Variants in SLX9 observed in about 807,000 individuals in gnomAD.
SLX9 encodes the protein ribosome biogenesis protein SLX9 homolog.
In SLX9, 19 loss-of-function variants were observed where a neutral mutation model predicts 20.8. That is an observed-to-expected ratio of 0.91 (90% CI 0.64 to 1.34). SLX9 has a LOEUF of 1.34. SLX9 is among the 40% of genes most tolerant of loss of function. SLX9 has a pLI of 0.00. For synonymous variants in SLX9, 113 were observed against 137.1 expected, an observed-to-expected ratio of 0.82 and a Z score of 1.23; for missense variants, 299 against 322.2, an observed-to-expected ratio of 0.93 and a Z score of 0.55.
intron 4 of SLX9, among the ~76,000 whole-genome samples, chr21:44,967,865 C>T (rs766297959): frequency 6.6e-6 from 1 of 152,166 alleles, no homozygotes; most frequent in Non-Finnish European, 1.5e-5. Context: ...GTTGCTCTCC[C>T]GAGCTGTACC....
At chr21:44,963,365 G>A (rs866746623) in intron 3 of SLX9, among the ~76,000 whole-genome samples, 5 of 136,920 alleles carry the variant, frequency 3.7e-5, no homozygotes, top group Admixed American at 2.4e-4. Flanking sequence ...TCGGATTACA[G>A]GCGTGAGAAC....
chr21:44,940,328 T>A, intron 1 of SLX9, 142 bp downstream of exon 1: 1 of 1,148,614 alleles, frequency 8.7e-7, no homozygotes, highest in Non-Finnish European at 1.1e-6. Flanking sequence ...GACGCGACCT[T>A]CTTGCTTCGC....
chr21:44,965,125 T>C (rs1023829022), intron 3 of SLX9, among the ~76,000 whole-genome samples: 2 of 152,250 alleles, frequency 1.3e-5, no homozygotes, highest in African/African-American at 4.8e-5. Flanking sequence ...TTTAGTTGTT[T>C]TTAAAACATA....
chr21:44,976,583 C>T (rs1301609662), intron 5 of SLX9, 97 bp from the exon 6 acceptor site: 8 of 1,503,120 alleles, frequency 5.3e-6, no homozygotes, highest in Non-Finnish European at 7.2e-6. Context: ...GGCCCCAGGC[C>T]TCTGCCATTC....
intron 4 of SLX9, among the ~76,000 whole-genome samples, chr21:44,967,796 T>C (rs2085065771): frequency 6.6e-6 from 1 of 152,194 alleles, no homozygotes; most frequent in African/African-American, 2.4e-5. Context: ...CTTGTCCTCA[T>C]GGGGCGGGAG....
intron 2 of SLX9, among the ~76,000 whole-genome samples, chr21:44,945,825 C>T (rs1384873601): frequency 2.0e-5 from 3 of 152,260 alleles, no homozygotes; most frequent in African/African-American, 7.2e-5. Context: ...ATTCCCCTGC[C>T]TCAGCCTCCT....
intron 1 of SLX9, among the ~76,000 whole-genome samples, chr21:44,940,542 G>A (rs2084523519): frequency 6.6e-6 from 1 of 152,216 alleles, no homozygotes; most frequent in Non-Finnish European, 1.5e-5. Context: ...AGAGCAAACT[G>A]AAGAGAGACC....
intron 2 of SLX9, among the ~76,000 whole-genome samples, chr21:44,944,478 G>A (rs1293065369): frequency 1.3e-5 from 2 of 152,198 alleles, no homozygotes; most frequent in African/African-American, 2.4e-5. Context: ...GAGAGTTCCC[G>A]GCCACCATGG....
intron 3 of SLX9, among the ~76,000 whole-genome samples, chr21:44,963,091 TC>T (rs1387151363): frequency 6.7e-6 from 1 of 150,048 alleles, no homozygotes; most frequent in Admixed American, 6.6e-5. Flanking sequence ...TCATTTTCTT[TC>T]TTTTTTTTTT....
chr21:44,942,610 T>G (rs564213963), intron 1 of SLX9, among the ~76,000 whole-genome samples: 2 of 152,308 alleles, frequency 1.3e-5, no homozygotes, highest in African/African-American at 4.8e-5. Context: ...GGCCTGAGAT[T>G]TAGAATTACA....
chr21:44,959,732 G>C (rs2084920590), intron 2 of SLX9, among the ~76,000 whole-genome samples: 1 of 152,228 alleles, frequency 6.6e-6, no homozygotes, highest in South Asian at 2.1e-4. Flanking sequence ...CCTGTTCGTG[G>C]CCCCCTTCAT....
chr21:44,943,843 G>A lies in SLX9; in HGVS notation c.283+6G>A. The A allele has an allele frequency of 1.2e-6, 2 of 1,613,984 alleles. No individual in the cohort carries two copies. The highest frequency in any genetic ancestry group is 1.1e-5 in the South Asian group (1 of 91,022). The stretch of plus-strand genomic sequence containing the variant: ...CGTCCCTTCCATCAGGAGAGGTGAG[G>A]CAGGCTCGACGGGTTACCATGCTGA... On this transcript the variant is annotated splice_donor_region_variant and intron_variant, in intron 2 of 5. Coordinates refer to ENST00000291634, the MANE Select transcript of SLX9 (RefSeq NM_058190.4).
chr21:44,948,496 G>C (rs748829247), intron 2 of SLX9, among the ~76,000 whole-genome samples: 1 of 152,160 alleles, frequency 6.6e-6, no homozygotes, highest in Non-Finnish European at 1.5e-5. Flanking sequence ...ACCAGAAAAC[G>C]AGCCCACCTG....
chr21:44,950,119 T>G (rs1453789670), intron 2 of SLX9, among the ~76,000 whole-genome samples: 1 of 150,784 alleles, frequency 6.6e-6, no homozygotes, highest in Admixed American at 6.6e-5. Context: ...TTTTTTAAGA[T>G]AACTGGAAAA....
At chr21:44,962,323 T>C (rs2084960681) in intron 3 of SLX9, among the ~76,000 whole-genome samples, 1 of 152,144 alleles carries the variant, frequency 6.6e-6, no homozygotes, top group African/African-American at 2.4e-5. Flanking sequence ...CCCCAGTCAA[T>C]TACCTCTCCC....
rs781213044 is a variant in SLX9 at position 44,967,096 on chromosome 21, G to A, written c.415G>A (p.Val139Met). ...HREERRRRAT[V>M]VVGDLHPLRD... is the part of the protein sequence containing the mutation. ...GGAGGAGCGGAGGCGGAGGGCCACGGTGGTGGTGGGGGACCTGCACCCTCT... is the reference window on the plus strand; with the variant it reads ...GGAGGAGCGGAGGCGGAGGGCCACGATGGTGGTGGGGGACCTGCACCCTCT... Residue 139 changes from valine (V) to methionine (M), a missense_variant, in exon 4 of 6, where the codon GTG (valine) becomes ATG (methionine). Val to Met is a conservative substitution (Grantham distance 21). Transcript: ENST00000291634. 4.2e-5 allele frequency: 67 copies of A among 1,611,470 alleles called. No homozygotes were observed. Among genetic ancestry groups the A allele is most frequent in the Non-Finnish European group, 5.6e-5 (66 of 1,179,590 alleles).
At chr21:44,971,222 G>A (rs1334192083) in intron 4 of SLX9, among the ~76,000 whole-genome samples, 1 of 152,242 alleles carries the variant, frequency 6.6e-6, no homozygotes, top group African/African-American at 2.4e-5. Context: ...GGAGTGCCGT[G>A]GGGGCTGGTG....
chr21:44,941,085 C>G (rs1016469428), intron 1 of SLX9, among the ~76,000 whole-genome samples: 3 of 151,702 alleles, frequency 2.0e-5, no homozygotes, highest in African/African-American at 7.3e-5. Context: ...TCTCCTGTTC[C>G]TCCTCATTTT....
At chr21:44,942,792 G>C (rs1049645132) in intron 1 of SLX9, among the ~76,000 whole-genome samples, 1 of 152,172 alleles carries the variant, frequency 6.6e-6, no homozygotes, top group Non-Finnish European at 1.5e-5. Context: ...GAGGCTGCAG[G>C]AGGGGAGGGG....
Sources: allele counts gnomAD v4.1 joint callset (sites outside exome capture counted in the v4.1 genomes callset), GRCh38; gene constraint gnomAD v4.1.1; transcripts MANE v1.5; gene names NCBI Gene and HGNC (gene_info 2026-07-23, HGNC 2026-07-21).